The following GALK2 variants were observed in gnomAD, a reference collection of about 807,000 sequenced individuals.
The protein encoded by GALK2 is N-acetylgalactosamine kinase.
A neutral mutation model predicts 52.4 loss-of-function variants in GALK2; 36 were observed. The observed-to-expected ratio is 0.69, with a 90% CI of 0.53 to 0.91. The LOEUF is 0.91. Ranked by LOEUF, GALK2 falls within the 40% of genes least tolerant of loss-of-function variation. GALK2 has a pLI of 0.00. For synonymous variants in GALK2, 176 were observed against 199.1 expected (o/e 0.88, Z 0.98); for missense variants, 579 against 559.1 (o/e 1.04, Z -0.36).
rs192161012 is a variant in GALK2 at position 49,202,835 on chromosome 15, T to G, written c.142+1585T>G. ...TCCCACCAACAGTGTAGAAGAATTC[T>G]TATTTCTCTGCATTCTCTCTAACAC... On this transcript the variant is annotated intron_variant, in intron 2 of 9. Coordinates refer to ENST00000560031, the MANE Select transcript of GALK2 (RefSeq NM_002044.4). Among the ~76,000 whole-genome samples, 49 of 152,324 alleles carry G rather than the reference T, an allele frequency of 3.2e-4. 1 individual carries two copies. The East Asian group carries it at 8.1e-3, about 25-fold the overall frequency.
At chr15:49,212,317 G>A (rs921276965) in intron 2 of GALK2, among the ~76,000 whole-genome samples, 16 of 149,580 alleles carry the variant, frequency 1.1e-4, no homozygotes, top group Non-Finnish European at 1.6e-4. Flanking sequence ...GGTCTTGAAC[G>A]CCTGGCCTTG....
chr15:49,284,378 A>G (rs1466790128), intron 7 of GALK2, among the ~76,000 whole-genome samples: 1 of 152,194 alleles, frequency 6.6e-6, no homozygotes, highest in Non-Finnish European at 1.5e-5. Flanking sequence ...AGGGATTATG[A>G]AACAGGAAAT....
chr15:49,328,852 T>TATAA lies in GALK2; in HGVS notation c.*698_*701dup. On this transcript the variant is annotated 3_prime_UTR_variant, in exon 10 of 10. Transcript: ENST00000560031. ...TTGAATATTTGTAAACCATGTAATA[T>TATAA]ATAAATAACCACTTTCAATTCTTTT... is the stretch of plus-strand genomic sequence containing the variant. 2 of 1,359,232 alleles carry TATAA rather than the reference T, an allele frequency of 1.5e-6. No homozygotes were observed. Among genetic ancestry groups the TATAA allele is most frequent in the East Asian group, 2.6e-5 (1 of 39,002 alleles). 84.2% of individuals were successfully genotyped at this position (1,359,232 alleles called of 1,614,324 possible).
At chr15:49,156,321 A>G (rs2084447382) in intron 1 of GALK2, 1 of 430,038 alleles carries the variant, frequency 2.3e-6, no homozygotes, top group African/African-American at 2.0e-5. Context: ...ATCATGTTGT[A>G]AGGAGATGGG....
chr15:49,338,429 T>C (rs1424709465), intron 3 of GALK2, among the ~76,000 whole-genome samples: 1 of 152,250 alleles, frequency 6.6e-6, no homozygotes, highest in Non-Finnish European at 1.5e-5. Context: ...AAAATTCTTT[T>C]CTTTAAGAAT....
At chr15:49,286,356 C>G (rs533079903) in intron 7 of GALK2, among the ~76,000 whole-genome samples, 27 of 152,280 alleles carry the variant, frequency 1.8e-4, no homozygotes, top group African/African-American at 6.5e-4. Flanking sequence ...TGCACAATTT[C>G]ACAGTTTTTT....
At chr15:49,290,287 A>T (rs967576386) in intron 7 of GALK2, among the ~76,000 whole-genome samples, 9 of 152,206 alleles carry the variant, frequency 5.9e-5, no homozygotes, top group Admixed American at 3.9e-4. Flanking sequence ...GTGTAATTCA[A>T]CAGCTCACGG....
intron 3 of GALK2, among the ~76,000 whole-genome samples, chr15:49,347,502 C>T (rs1345418744): frequency 3.3e-5 from 5 of 152,118 alleles, no homozygotes; most frequent in African/African-American, 4.8e-5. Context: ...CACCCTCATA[C>T]TAGTATCAGT....
chr15:49,173,684 T>TC (rs1270491449), intron 1 of GALK2, among the ~76,000 whole-genome samples: 6 of 152,224 alleles, frequency 3.9e-5, no homozygotes, highest in Non-Finnish European at 8.8e-5. Flanking sequence ...TTACTTTTTT[T>TC]CACTTAATCT....
chr15:49,240,763 CAGG>C (rs2091055908), intron 5 of GALK2, among the ~76,000 whole-genome samples: 1 of 152,118 alleles, frequency 6.6e-6, no homozygotes, highest in African/African-American at 2.4e-5. Context: ...GATAACAGAG[CAGG>C]AGATCAGTTG....
chr15:49,292,552 G>C lies in GALK2; in HGVS notation c.967+15G>C. ...CACTCAAGATGGTGAGTTGGCTGGA[G>C]AAAGTATGATATATGTTATTCCCTC... On this transcript the variant is annotated intron_variant, in intron 8 of 9. Coordinates refer to ENST00000560031, the MANE Select transcript of GALK2 (RefSeq NM_002044.4). The C allele has an allele frequency of 6.2e-7, 1 of 1,603,286 alleles. No homozygotes were observed. The highest frequency in any genetic ancestry group is 2.2e-5 in the East Asian group (1 of 44,814).
intron 3 of GALK2, among the ~76,000 whole-genome samples, chr15:49,218,327 G>A (rs1012639428): frequency 6.6e-5 from 10 of 151,952 alleles, no homozygotes; most frequent in African/African-American, 1.5e-4. Flanking sequence ...GCATATTTTC[G>A]TGTCATTGTG....
rs58230206 is a variant in GALK2, at chr15:49,192,485, GTATATATATATATATATA to G, written c.54-8654_54-8637del. ...TCTGCAATGAATATTATATATATAT[GTATATATATATATATATA>G]TATATATATATATATATATATAGTT... On this transcript the variant is annotated intron_variant, in intron 1 of 9. Coordinates refer to ENST00000560031, the MANE Select transcript of GALK2 (RefSeq NM_002044.4). 9.0e-3 allele frequency among the ~76,000 whole-genome samples: 925 copies of G among 102,996 alleles called. 32 individuals are homozygous for G. Among genetic ancestry groups the G allele is most frequent in the African/African-American group, 0.035 (865 of 24,742 alleles). 67.6% of individuals were successfully genotyped at this position (102,996 alleles called of 152,430 possible).
At chr15:49,336,665 AATTT>A (rs141307192), downstream of GALK2, among the ~76,000 whole-genome samples, 863 of 152,276 alleles carry the variant, frequency 5.7e-3, 6 homozygotes, top group African/African-American at 0.02. Context: ...TTATTTAAAT[AATTT>A]ATTTATTTTT....
intron 1 of GALK2, among the ~76,000 whole-genome samples, chr15:49,196,555 A>G (rs2087250330): frequency 6.6e-6 from 1 of 152,168 alleles, no homozygotes; most frequent in Admixed American, 6.5e-5. Context: ...TGAATGTTCC[A>G]TGTACTCTTG....
chr15:49,361,843 A>T (rs1478579268), intron 3 of GALK2, among the ~76,000 whole-genome samples: 3 of 152,136 alleles, frequency 2.0e-5, no homozygotes, highest in Non-Finnish European at 2.9e-5. Flanking sequence ...CAACGGTTGA[A>T]CTAATTTACA....
intron 5 of GALK2, among the ~76,000 whole-genome samples, chr15:49,269,490 A>T (rs1230467235): frequency 1.3e-5 from 2 of 152,160 alleles, no homozygotes; most frequent in African/African-American, 2.4e-5. Flanking sequence ...TTTTCCTTTT[A>T]CTTCCCTCTC....
rs182322009 is a variant in GALK2, at chr15:49,209,965, G to A, written c.143-7225G>A. On this transcript the variant is annotated intron_variant, in intron 2 of 9. Transcript: ENST00000560031. ...CATGGGTGAAGCCCTCTGGTCCTGA[G>A]CATTTCTTCGTTGGGAGACTTTTTA... 1.0e-3 allele frequency among the ~76,000 whole-genome samples: 153 copies of A among 152,298 alleles called. No individual in the cohort carries two copies. In the Middle Eastern group the frequency reaches 0.014, roughly 14 times the overall value.
chr15:49,310,025 C>T (rs1396814112), intron 8 of GALK2, among the ~76,000 whole-genome samples: 1 of 152,094 alleles, frequency 6.6e-6, no homozygotes, highest in Non-Finnish European at 1.5e-5. Flanking sequence ...CATTCTCTTC[C>T]TACTTGCCTT....
Sources: allele counts gnomAD v4.1 joint callset (sites outside exome capture counted in the v4.1 genomes callset), GRCh38; gene constraint gnomAD v4.1.1; transcripts MANE v1.5; gene names NCBI Gene and HGNC (gene_info 2026-07-23, HGNC 2026-07-21).